The following CSMD2 variants were observed in gnomAD, a reference collection of about 807,000 sequenced individuals.
CSMD2 encodes CUB and sushi domain-containing protein 2.
A neutral mutation model predicts 398.5 loss-of-function variants in CSMD2; 130 were observed. That is an observed-to-expected ratio of 0.33 (90% CI 0.28 to 0.38). CSMD2 has a LOEUF of 0.38. Ranked by LOEUF, CSMD2 falls within the 10% of genes least tolerant of loss-of-function variation. The pLI is 1.00. For synonymous variants in CSMD2, 1,828 were observed against 1,908.5 expected, an observed-to-expected ratio of 0.96 and a Z score of 1.10; for missense variants, 3,829 against 4,764.9, an observed-to-expected ratio of 0.80 and a Z score of 5.78.
intron 55 of CSMD2, among the ~76,000 whole-genome samples, chr1:33,556,369 A>G (rs947402070): frequency 1.3e-5 from 2 of 152,216 alleles, no homozygotes; most frequent in African/African-American, 4.8e-5. Context: ...GGCTCCTGTT[A>G]GACCTACAGC....
At chr1:33,997,062 G>A (rs915906612) in intron 3 of CSMD2, among the ~76,000 whole-genome samples, 1 of 152,190 alleles carries the variant, frequency 6.6e-6, no homozygotes, top group East Asian at 1.9e-4. Context: ...TGGGTTTTGT[G>A]TTCTCAACCC....
intron 2 of CSMD2, among the ~76,000 whole-genome samples, chr1:34,041,686 C>A (rs58911547): frequency 0.014 from 2,100 of 152,164 alleles, 51 homozygotes; most frequent in African/African-American, 0.048. Context: ...CAGTTGAAGA[C>A]AGTAGGCACG....
intron 13 of CSMD2, among the ~76,000 whole-genome samples, chr1:33,754,370 C>T (rs1648699801): frequency 6.6e-6 from 1 of 152,180 alleles, no homozygotes; most frequent in African/African-American, 2.4e-5. Flanking sequence ...CCACTCTTGC[C>T]ATGTGATACA....
chr1:33,843,382 T>C (rs946626114), intron 6 of CSMD2, among the ~76,000 whole-genome samples: 8 of 152,362 alleles, frequency 5.3e-5, no homozygotes, highest in African/African-American at 1.9e-4. Flanking sequence ...TACTATGTTG[T>C]AGGTTATCTT....
intron 52 of CSMD2, 79 bp downstream of exon 52, chr1:33,569,295 A>C: frequency 7.0e-7 from 1 of 1,420,196 alleles, no homozygotes; most frequent in Non-Finnish European, 9.6e-7. Context: ...CTGTTTAAAG[A>C]CTGGATCTCA....
rs767339195 is a variant in CSMD2, at chr1:33,918,077, G to A, written c.920+17C>T. On this transcript the variant is annotated intron_variant, in intron 5 of 70. Transcript: ENST00000373381. The stretch of plus-strand genomic sequence containing the variant: ...TGCAGAGAATAGGGTAGGAAAGGAA[G>A]GTGATGTTGTGCTTACCAGAGGGAG... The A allele has an allele frequency of 3.7e-6, 6 of 1,608,390 alleles. No individual in the cohort carries two copies. The African/African-American group carries it at 8.0e-5, about 21-fold the overall frequency.
At chr1:34,132,285 G>A (rs1232421647) in intron 1 of CSMD2, among the ~76,000 whole-genome samples, 1 of 151,726 alleles carries the variant, frequency 6.6e-6, no homozygotes, top group Non-Finnish European at 1.5e-5. Flanking sequence ...CCCTAATAAA[G>A]CCCCGATTCA....
intron 2 of CSMD2, among the ~76,000 whole-genome samples, chr1:34,064,682 C>T (rs1176232123): frequency 6.6e-6 from 1 of 152,164 alleles, no homozygotes; most frequent in African/African-American, 2.4e-5. Context: ...CTTACTGTTC[C>T]AAAGTTGCTT....
intron 49 of CSMD2, among the ~76,000 whole-genome samples, chr1:33,575,622 C>T (rs1660002445): frequency 6.6e-6 from 1 of 152,142 alleles, no homozygotes; most frequent in Admixed American, 6.5e-5. Context: ...CTGGTGGAGG[C>T]TTAATTTTGG....
chr1:33,568,267 A>G (rs943290928), intron 52 of CSMD2, among the ~76,000 whole-genome samples: 99 of 149,198 alleles, frequency 6.6e-4, no homozygotes, highest in Non-Finnish European at 3.5e-4. Flanking sequence ...GGCTCACTGC[A>G]ATGTCCACCT....
chr1:34,136,569 C>A (rs976947682), intron 1 of CSMD2, among the ~76,000 whole-genome samples: 1 of 152,170 alleles, frequency 6.6e-6, no homozygotes, highest in Admixed American at 6.5e-5. Flanking sequence ...TCATTAACGG[C>A]ACTTGTTAGA....
At chr1:33,865,448 T>C (rs1194557480) in intron 5 of CSMD2, among the ~76,000 whole-genome samples, 2 of 151,862 alleles carry the variant, frequency 1.3e-5, no homozygotes, top group Non-Finnish European at 2.9e-5. Flanking sequence ...TCAATCGTTT[T>C]TCAGTGGATA....
chr1:33,724,779 TAAG>T (rs1238797132), intron 17 of CSMD2, 75 bp from the exon 18 acceptor site: 5 of 1,359,108 alleles, frequency 3.7e-6, no homozygotes, highest in Admixed American at 4.2e-5. Context: ...CTCCAAAGAG[TAAG>T]AAGAGAGCCC....
chr1:33,900,058 GA>G (rs1434928850), intron 5 of CSMD2, among the ~76,000 whole-genome samples: 1 of 152,222 alleles, frequency 6.6e-6, no homozygotes, highest in East Asian at 1.9e-4. Context: ...AGCAGGGTGA[GA>G]GGGGCAGGGG....
At chr1:33,830,238 C>T (rs1332561653) in intron 6 of CSMD2, among the ~76,000 whole-genome samples, 5 of 152,136 alleles carry the variant, frequency 3.3e-5, no homozygotes, top group African/African-American at 9.7e-5. Flanking sequence ...GACCCCCGAG[C>T]AGCCTAACTG....
At chr1:33,945,532 G>T (rs1412448176) in intron 3 of CSMD2, among the ~76,000 whole-genome samples, 1 of 152,136 alleles carries the variant, frequency 6.6e-6, no homozygotes, top group African/African-American at 2.4e-5. Context: ...TGGATGCAGA[G>T]GGGGATGTTT....
chr1:33,706,828 G>A (rs1031010828), intron 22 of CSMD2, among the ~76,000 whole-genome samples: 1 of 150,170 alleles, frequency 6.7e-6, no homozygotes, highest in Non-Finnish European at 1.5e-5. Flanking sequence ...GCGTGCGTGT[G>A]TATGTGTGTG....
At chr1:34,066,219 C>T (rs1655093059) in intron 2 of CSMD2, among the ~76,000 whole-genome samples, 1 of 152,284 alleles carries the variant, frequency 6.6e-6, no homozygotes, top group African/African-American at 2.4e-5. Flanking sequence ...CAGACACATA[C>T]ACACAGCACA....
rs1654112371 is a variant in CSMD2 at position 33,519,948 on chromosome 1, G to A, written c.10600C>T (p.Leu3534Phe). Residue 3534 changes from leucine to phenylalanine, a missense_variant and splice_region_variant, in exon 69 of 71, where the codon CTC becomes TTC. This residue lies in a region of CSMD2 where 917 missense variants were observed against 1,199.5 expected (regional missense o/e 0.76). Coordinates refer to ENST00000373381, the MANE Select transcript of CSMD2 (RefSeq NM_001281956.2). The surrounding 1 kb of genome is among the most constrained non-coding windows in gnomAD (Gnocchi z 5.6). ...FGQFGFQRLD[L>F]RLLESDPESI... ...TCGGGGTCTGACTCCAGCAGCCTGA[G>A]GTCTGTAAAGTCCCAAAGCAGAAAA... The A allele has an allele frequency of 4.3e-6, 7 of 1,614,078 alleles. No homozygotes were observed. Among genetic ancestry groups the A allele is most frequent in the Non-Finnish European group, 5.9e-6 (7 of 1,179,980 alleles).
Sources: gnomAD v4.1 joint callset for allele counts (sites outside exome capture counted in the v4.1 genomes callset) on GRCh38, gnomAD v4.1.1 for gene constraint, gnomAD v4.1.1 regional missense constraint, Gnocchi (gnomAD v3.1) non-coding constraint, MANE v1.5 for transcripts, NCBI Gene and HGNC (gene_info 2026-07-23, HGNC 2026-07-21) for gene names.